The following CNGB3 variants were observed in gnomAD, a reference collection of about 807,000 sequenced individuals.
CNGB3 encodes cyclic nucleotide gated channel subunit beta 3, also known as cyclic nucleotide-gated channel beta-3.
Under a neutral mutation model 92.8 loss-of-function variants are expected in CNGB3, and 86 were observed. That is an observed-to-expected ratio of 0.93 (90% CI 0.78 to 1.11). The LOEUF is 1.11. Among genes scored for constraint, CNGB3 ranks in the 50% least tolerant of loss-of-function variants. The probability of loss-of-function intolerance (pLI) is 0.00; values close to 1 mark genes in which losing one functional copy is unlikely to be tolerated. For missense variants in CNGB3, 1,026 were observed against 956.8 expected, an observed-to-expected ratio of 1.07 and a Z score of -0.95; for synonymous variants, 333 against 332.7, an observed-to-expected ratio of 1.00 and a Z score of -0.01.
At position 86,638,970 on chromosome 8, in the gene CNGB3, C is replaced by G. The variant is rs1720104782; in HGVS notation, c.1178+4781G>C. On this transcript the variant is annotated intron_variant, in intron 10 of 17. Coordinates refer to ENST00000320005, the MANE Select transcript of CNGB3 (RefSeq NM_019098.5). The stretch of plus-strand genomic sequence containing the variant: ...TTTCCTTCTCTCTCTCTGCCATTGT[C>G]TGATCTCAGCTATGAGGTATCTAGG... Among the ~76,000 whole-genome samples, 3 of 151,902 alleles carry G rather than the reference C, an allele frequency of 2.0e-5. No individual in the cohort carries two copies. The South Asian group carries it at 6.2e-4, about 32-fold the overall frequency.
intron 3 of CNGB3, among the ~76,000 whole-genome samples, chr8:86,722,344 T>C (rs1042711948): frequency 2.0e-5 from 3 of 152,192 alleles, no homozygotes; most frequent in Non-Finnish European, 2.9e-5. Flanking sequence ...TTCTTGGTAA[T>C]GGACAAATGG....
At chr8:86,714,822 G>A (rs568763172) in intron 3 of CNGB3, among the ~76,000 whole-genome samples, 47 of 152,256 alleles carry the variant, frequency 3.1e-4, no homozygotes, top group Non-Finnish European at 5.9e-4. Context: ...AGTGAGACCA[G>A]CCCTTAGGAC....
chr8:86,660,627 C>G lies in CNGB3; in HGVS notation c.852+6298G>C, dbSNP rs112770668. The G allele has an allele frequency of 1.0e-3, 542 of 533,836 alleles. 2 individuals carry two copies. Among genetic ancestry groups the G allele is most frequent in the African/African-American group, 9.1e-3 (476 of 52,022 alleles). 33.1% of individuals were successfully genotyped at this position (533,836 alleles called of 1,614,324 possible). The stretch of plus-strand genomic sequence containing the variant: ...AACTGCACTCTGGCTTTGCCTCTGA[C>G]TAAGATGGCATTTATTTGCATAATG... On this transcript the variant is annotated intron_variant, in intron 6 of 17. Transcript: ENST00000320005.
At chr8:86,622,617 G>A (rs1357964333) in intron 13 of CNGB3, among the ~76,000 whole-genome samples, 4 of 152,026 alleles carry the variant, frequency 2.6e-5, no homozygotes, top group African/African-American at 9.7e-5. Flanking sequence ...AATAATTTAT[G>A]TTGCCCAGGC....
At chr8:86,718,117 G>GA (rs1315041460) in intron 3 of CNGB3, among the ~76,000 whole-genome samples, 12 of 150,046 alleles carry the variant, frequency 8.0e-5, no homozygotes, top group East Asian at 8.0e-4. Flanking sequence ...GGAGAAACAA[G>GA]AAAAAAAACA....
chr8:86,673,688 GAATGACT>G (rs1358719144), intron 3 of CNGB3, among the ~76,000 whole-genome samples: 3 of 152,154 alleles, frequency 2.0e-5, no homozygotes, highest in Non-Finnish European at 4.4e-5. Context: ...AAGAAATCAA[GAATGACT>G]AAGTTTCTAT....
At chr8:86,656,299 C>T (rs2131604766) in intron 6 of CNGB3, among the ~76,000 whole-genome samples, 1 of 152,240 alleles carries the variant, frequency 6.6e-6, no homozygotes. Context: ...AATACTACCT[C>T]CACCCTGCAC....
At chr8:86,621,303 T>C (rs1441385080) in intron 13 of CNGB3, among the ~76,000 whole-genome samples, 1 of 152,214 alleles carries the variant, frequency 6.6e-6, no homozygotes, top group African/African-American at 2.4e-5. Flanking sequence ...GTGACTTTCA[T>C]ACATTTCTGA....
chr8:86,682,312 A>G (rs767264994), intron 3 of CNGB3, among the ~76,000 whole-genome samples: 41 of 152,252 alleles, frequency 2.7e-4, no homozygotes, highest in African/African-American at 8.9e-4. Context: ...CTAGAGAAAA[A>G]TAAGTCCTGA....
chr8:86,708,636 C>T lies in CNGB3; in HGVS notation c.338+17895G>A, dbSNP rs1165169493. Among the ~76,000 whole-genome samples the T allele has an allele frequency of 6.3e-5, 9 of 143,250 alleles. No homozygotes were observed. In the South Asian group the frequency reaches 8.9e-4, roughly 14 times the overall value. 94.0% of individuals were successfully genotyped at this position (143,250 alleles called of 152,430 possible). ...AGGCTGGAGTTCAGTGGCATGATCACGGCTCACTGTAGCCTCGACTTCCTG... is the reference window on the plus strand; with the variant it reads ...AGGCTGGAGTTCAGTGGCATGATCATGGCTCACTGTAGCCTCGACTTCCTG... On this transcript the variant is annotated intron_variant, in intron 3 of 17. Coordinates refer to ENST00000320005, the MANE Select transcript of CNGB3 (RefSeq NM_019098.5).
intron 8 of CNGB3, 139 bp downstream of exon 8, chr8:86,647,662 G>A (rs192559880): frequency 6.7e-5 from 41 of 612,802 alleles, no homozygotes; most frequent in Admixed American, 3.2e-4. Context: ...GATGAGGGCA[G>A]AAAGATGGAG....
intron 6 of CNGB3, chr8:86,658,656 T>C: frequency 5.6e-6 from 2 of 354,448 alleles, no homozygotes; most frequent in Non-Finnish European, 1.1e-5. Flanking sequence ...GCTCTTCAGC[T>C]CTACCATCTC....
chr8:86,692,472 A>G (rs1274773030), intron 3 of CNGB3, among the ~76,000 whole-genome samples: 1 of 152,210 alleles, frequency 6.6e-6, no homozygotes, highest in Non-Finnish European at 1.5e-5. Context: ...TTTTATTATT[A>G]TATAATGTCC....
At chr8:86,631,744 A>C (rs116217720) in intron 11 of CNGB3, among the ~76,000 whole-genome samples, 1 of 152,142 alleles carries the variant, frequency 6.6e-6, no homozygotes, top group Non-Finnish European at 1.5e-5. Context: ...TATTTTCTAC[A>C]TAGAGTTTAC....
chr8:86,585,582 A>G (rs1231235767), intron 15 of CNGB3, among the ~76,000 whole-genome samples: 1 of 152,174 alleles, frequency 6.6e-6, no homozygotes, highest in Non-Finnish European at 1.5e-5. Context: ...AAACAAAAAC[A>G]AGAATGGGGA....
intron 3 of CNGB3, among the ~76,000 whole-genome samples, chr8:86,703,547 G>A (rs777067422): frequency 6.6e-6 from 1 of 152,208 alleles, no homozygotes; most frequent in Non-Finnish European, 1.5e-5. Context: ...CTAGAGGGCA[G>A]TGTGAGTGCA....
chr8:86,726,775 C>A, intron 2 of CNGB3, 118 bp from the exon 3 acceptor site: 2 of 1,169,554 alleles, frequency 1.7e-6, no homozygotes, highest in Non-Finnish European at 2.5e-6. Flanking sequence ...CTCAAGAACA[C>A]CTCCCCTGGG....
At position 86,592,823 on chromosome 8, in the gene CNGB3, G is replaced by A. The variant is rs7018294; in HGVS notation, c.1781+11270C>T. Among the ~76,000 whole-genome samples the A allele has an allele frequency of 8.9e-3, 1,357 of 152,148 alleles. 16 individuals are homozygous for A. Among genetic ancestry groups the A allele is most frequent in the Middle Eastern group, 0.027 (8 of 294 alleles). ...GAAATTTCTAACTGGGTTTTATTTC[G>A]GAAACATGAGGTTAGATAACCTGTG... On this transcript the variant is annotated intron_variant, in intron 15 of 17. Coordinates refer to ENST00000320005, the MANE Select transcript of CNGB3 (RefSeq NM_019098.5).
At chr8:86,682,760 G>A (rs1388073372) in intron 3 of CNGB3, among the ~76,000 whole-genome samples, 1 of 152,184 alleles carries the variant, frequency 6.6e-6, no homozygotes, top group East Asian at 1.9e-4. Context: ...CGCATGTGAG[G>A]CTTAGAGAAA....
Sources: gnomAD v4.1 joint callset for allele counts (sites outside exome capture counted in the v4.1 genomes callset) on GRCh38, gnomAD v4.1.1 for gene constraint, MANE v1.5 for transcripts, NCBI Gene and HGNC (gene_info 2026-07-23, HGNC 2026-07-21) for gene names.